The following ARHGAP24 variants were observed in gnomAD, a reference collection of about 807,000 sequenced individuals.
ARHGAP24 encodes the protein rho GTPase-activating protein 24.
In ARHGAP24, 50 loss-of-function variants were observed where a neutral mutation model predicts 76.4. That is an observed-to-expected ratio of 0.65 (90% CI 0.52 to 0.83). The LOEUF (loss-of-function observed/expected upper bound fraction) is 0.83. ARHGAP24 is among the 40% of genes least tolerant of loss of function. The pLI is 0.00. For synonymous variants in ARHGAP24, 345 were observed against 323.3 expected, an observed-to-expected ratio of 1.07 and a Z score of -0.72; for missense variants, 930 against 914.2, an observed-to-expected ratio of 1.02 and a Z score of -0.22.
intron 3 of ARHGAP24, among the ~76,000 whole-genome samples, chr4:85,867,898 C>CATATAT (rs113874290): frequency 0.049 from 5,199 of 106,588 alleles, 298 homozygotes; most frequent in African/African-American, 0.13. Context: ...TGTGTGTGTA[C>CATATAT]ATATATATAT....
chr4:85,934,525 T>C (rs1736521389), intron 4 of ARHGAP24, among the ~76,000 whole-genome samples: 1 of 152,214 alleles, frequency 6.6e-6, no homozygotes, highest in Non-Finnish European at 1.5e-5. Flanking sequence ...TTTATTTGTT[T>C]GTTTGTTTTG....
chr4:85,756,171 T>A (rs1726486936), intron 3 of ARHGAP24, among the ~76,000 whole-genome samples: 1 of 146,842 alleles, frequency 6.8e-6, no homozygotes, highest in Non-Finnish European at 1.5e-5. Flanking sequence ...ACAGATGATA[T>A]AATACATTCA....
intron 2 of ARHGAP24, among the ~76,000 whole-genome samples, chr4:85,674,383 G>A (rs897429595): frequency 6.6e-6 from 1 of 152,154 alleles, no homozygotes; most frequent in African/African-American, 2.4e-5. Context: ...TGTCAAAGAT[G>A]CACTCATCTT....
intron 3 of ARHGAP24, among the ~76,000 whole-genome samples, chr4:85,864,542 C>G (rs868657665): frequency 6.6e-6 from 1 of 151,928 alleles, no homozygotes. Flanking sequence ...GCAAAGATAT[C>G]TATCTATACA....
intron 1 of ARHGAP24, among the ~76,000 whole-genome samples, chr4:85,540,927 G>A (rs151272824): frequency 0.011 from 1,443 of 130,374 alleles, 11 homozygotes; most frequent in East Asian, 0.019. Flanking sequence ...TTACAAAAGG[G>A]AAGGTTTGTT....
At chr4:85,962,055 A>T (rs1236527718) in intron 5 of ARHGAP24, among the ~76,000 whole-genome samples, 2 of 152,106 alleles carry the variant, frequency 1.3e-5, no homozygotes, top group Non-Finnish European at 2.9e-5. Context: ...TTGCTATGTC[A>T]GTTCATTAAC....
chr4:85,934,494 C>T (rs1367371353), intron 4 of ARHGAP24, among the ~76,000 whole-genome samples: 1 of 152,058 alleles, frequency 6.6e-6, no homozygotes, highest in Non-Finnish European at 1.5e-5. Context: ...CTCTATAGCT[C>T]TTATGTTTTA....
chr4:85,575,864 T>G (rs1727348952), intron 2 of ARHGAP24, among the ~76,000 whole-genome samples: 2 of 152,210 alleles, frequency 1.3e-5, no homozygotes. Flanking sequence ...TGCTAGAATT[T>G]GACACAGCAG....
At chr4:85,778,871 C>T in intron 3 of ARHGAP24, 6 of 985,332 alleles carry the variant, frequency 6.1e-6, no homozygotes, top group Non-Finnish European at 7.2e-6. Context: ...TACTTTTTTG[C>T]CAAAAGAATT....
intron 2 of ARHGAP24, among the ~76,000 whole-genome samples, chr4:85,647,071 G>T (rs1275642490): frequency 1.3e-5 from 2 of 152,050 alleles, no homozygotes; most frequent in Non-Finnish European, 2.9e-5. Flanking sequence ...GAAACCATGT[G>T]ATAGTAGGAT....
At chr4:85,564,399 G>T (rs572724616) in intron 1 of ARHGAP24, among the ~76,000 whole-genome samples, 43 of 144,842 alleles carry the variant, frequency 3.0e-4, no homozygotes, top group Admixed American at 6.7e-4. Flanking sequence ...GTTGTGGGGT[G>T]GGGGGAGCGG....
chr4:85,783,687 T>G (rs1409846657), intron 3 of ARHGAP24, among the ~76,000 whole-genome samples: 1 of 152,176 alleles, frequency 6.6e-6, no homozygotes, highest in African/African-American at 2.4e-5. Flanking sequence ...AGTGGAAGGG[T>G]TCTCATACTA....
chr4:85,666,342 C>T (rs1305905908), intron 2 of ARHGAP24, among the ~76,000 whole-genome samples: 2 of 152,198 alleles, frequency 1.3e-5, no homozygotes, highest in African/African-American at 4.8e-5. Flanking sequence ...TCACGTAGTT[C>T]TCAAGCTCCT....
At chr4:85,733,079 T>TTTTTTTTTTTTTTTTTG (rs1725475625) in intron 3 of ARHGAP24, among the ~76,000 whole-genome samples, 1 of 135,400 alleles carries the variant, frequency 7.4e-6, no homozygotes, top group African/African-American at 2.7e-5. Context: ...TTTTTTTTTT[T>TTTTTTTTTTTTTTTTTG]TTGAGATGGA....
At position 85,797,882 on chromosome 4, in the gene ARHGAP24, G is replaced by T. The variant is rs570108806; in HGVS notation, c.268+75910G>T. The stretch of plus-strand genomic sequence containing the variant: ...GTAATTATTTCGGAGGGGAAAGGAG[G>T]GGGGCAAAACAACCTTGAATAAATA... On this transcript the variant is annotated intron_variant, in intron 3 of 9. Coordinates refer to ENST00000395184, the MANE Select transcript of ARHGAP24 (RefSeq NM_001025616.3). Among the ~76,000 whole-genome samples the T allele has an allele frequency of 1.3e-4, 20 of 151,176 alleles. No individual in the cohort carries two copies. In the South Asian group the frequency reaches 3.7e-3, roughly 28 times the overall value.
chr4:85,870,876 C>G (rs2110190652), intron 3 of ARHGAP24, among the ~76,000 whole-genome samples: 1 of 152,270 alleles, frequency 6.6e-6, no homozygotes, highest in African/African-American at 2.4e-5. Flanking sequence ...GCAGTGTACT[C>G]TGTTTTAGTG....
chr4:85,889,186 T>C (rs1733742174), intron 3 of ARHGAP24, among the ~76,000 whole-genome samples: 1 of 152,194 alleles, frequency 6.6e-6, no homozygotes. Context: ...AAATGCCAGA[T>C]TTTAAATTAA....
chr4:85,856,034 A>G (rs192147223), intron 3 of ARHGAP24, among the ~76,000 whole-genome samples: 108 of 152,334 alleles, frequency 7.1e-4, no homozygotes, highest in African/African-American at 2.4e-3. Context: ...GAAATGTGGT[A>G]GCTGTTTTTC....
intron 1 of ARHGAP24, among the ~76,000 whole-genome samples, chr4:85,493,188 G>A (rs1349127963): frequency 6.6e-6 from 1 of 152,154 alleles, no homozygotes; most frequent in East Asian, 1.9e-4. Flanking sequence ...TTCATTCTAG[G>A]CTGGCCAGGT....
Sources: allele counts gnomAD v4.1 joint callset (sites outside exome capture counted in the v4.1 genomes callset), GRCh38; gene constraint gnomAD v4.1.1; transcripts MANE v1.5; gene names NCBI Gene and HGNC (gene_info 2026-07-23, HGNC 2026-07-21).